Variants in SGCZ observed in about 807,000 individuals in gnomAD.
SGCZ encodes the protein zeta-sarcoglycan.
In SGCZ, 40 loss-of-function variants were observed where a neutral mutation model predicts 41.3. That is an observed-to-expected ratio of 0.97 (90% CI 0.75 to 1.26). SGCZ has a LOEUF of 1.26. Among genes scored for constraint, SGCZ ranks in the 50% most tolerant of loss-of-function variants. The probability of loss-of-function intolerance (pLI) is 0.00; values close to 1 mark genes in which losing one functional copy is unlikely to be tolerated. For missense variants in SGCZ, 552 were observed against 369.8 expected, an observed-to-expected ratio of 1.49 and a Z score of -4.04; for synonymous variants, 206 against 137.5, an observed-to-expected ratio of 1.50 and a Z score of -3.49.
intron 2 of SGCZ, among the ~76,000 whole-genome samples, chr8:14,450,182 C>T (rs1800551013): frequency 6.6e-6 from 1 of 152,138 alleles, no homozygotes. Flanking sequence ...TGAAGCCAGG[C>T]TACACAGAAC....
At chr8:14,365,058 G>A (rs1051221191) in intron 2 of SGCZ, among the ~76,000 whole-genome samples, 4 of 151,856 alleles carry the variant, frequency 2.6e-5, no homozygotes, top group Non-Finnish European at 5.9e-5. Context: ...GACATTTTAA[G>A]TAATAAGCAA....
Position 14,554,768 on chromosome 8 carries a change from C to T in SGCZ, c.198G>A (p.Met66Ile). The change falls in exon 2 of 8, where the codon ATG (methionine) becomes ATA (isoleucine). Residue 66 changes from methionine to isoleucine, a missense_variant. Transcript: ENST00000382080. Reference protein sequence around the residue: ...LLVTMIVNLAMTIWILKVMNF... With the variant: ...LLVTMIVNLAITIWILKVMNF... Reference sequence around the variant, plus strand: ...TCATAACTTTCAATATCCATATTGTCATGGCTAAGTTAACTATCATGGTAA... The same window carrying T: ...TCATAACTTTCAATATCCATATTGTTATGGCTAAGTTAACTATCATGGTAA... 2 of 1,612,822 alleles carry T rather than the reference C, an allele frequency of 1.2e-6. No homozygotes were observed. The highest frequency in any genetic ancestry group is 1.7e-6 in the Non-Finnish European group (2 of 1,179,354).
At chr8:14,181,897 T>A (rs1005764445) in intron 4 of SGCZ, among the ~76,000 whole-genome samples, 2 of 152,184 alleles carry the variant, frequency 1.3e-5, no homozygotes, top group African/African-American at 4.8e-5. Context: ...ATAAACACAG[T>A]AATTTTACAA....
At chr8:14,884,425 C>T (rs1804712006) in intron 1 of SGCZ, among the ~76,000 whole-genome samples, 1 of 151,428 alleles carries the variant, frequency 6.6e-6, no homozygotes, top group South Asian at 2.1e-4. Flanking sequence ...TTTATTTATG[C>T]CATAAGCTAT....
chr8:14,876,916 G>A (rs545872567), intron 1 of SGCZ, among the ~76,000 whole-genome samples: 6 of 152,054 alleles, frequency 3.9e-5, no homozygotes, highest in African/African-American at 1.2e-4. Context: ...GAGCATTGGA[G>A]AGGTTCCACT....
intron 1 of SGCZ, among the ~76,000 whole-genome samples, chr8:14,976,166 C>A (rs1038700036): frequency 6.6e-6 from 1 of 151,776 alleles, no homozygotes; most frequent in East Asian, 2.0e-4. Flanking sequence ...GGGATACAGG[C>A]GCTCACCACC....
intron 2 of SGCZ, among the ~76,000 whole-genome samples, chr8:14,411,625 T>A (rs1799362777): frequency 6.6e-6 from 1 of 152,124 alleles, no homozygotes; most frequent in African/African-American, 2.4e-5. Flanking sequence ...TTTATTACTT[T>A]AGAGCATCAT....
At chr8:14,370,061 A>T (rs1803856642) in intron 2 of SGCZ, among the ~76,000 whole-genome samples, 1 of 151,886 alleles carries the variant, frequency 6.6e-6, no homozygotes, top group Non-Finnish European at 1.5e-5. Flanking sequence ...CTTACTTCTG[A>T]TTCTTATTAT....
At position 14,089,581 on chromosome 8, in the gene SGCZ, T is replaced by A. The variant is rs572118599; in HGVS notation, c.*862A>T. Among the ~76,000 whole-genome samples, 4 of 152,136 alleles carry A rather than the reference T, an allele frequency of 2.6e-5. No individual in the cohort carries two copies. Among genetic ancestry groups the A allele is most frequent in the South Asian group, 2.1e-4 (1 of 4,832 alleles). On this transcript the variant is annotated 3_prime_UTR_variant, in exon 8 of 8. Coordinates refer to ENST00000382080, the MANE Select transcript of SGCZ (RefSeq NM_139167.4). The stretch of plus-strand genomic sequence containing the variant: ...TGTAAAGGATAGCATGTGAATTTTT[T>A]AAAAATCATCTATGGATTTAATACC...
chr8:14,603,608 A>G (rs573316478), intron 1 of SGCZ, among the ~76,000 whole-genome samples: 10 of 152,318 alleles, frequency 6.6e-5, no homozygotes, highest in African/African-American at 2.4e-4. Flanking sequence ...TAAAAATTTA[A>G]ACTTTCATAT....
At chr8:14,485,472 G>C (rs1386970464) in intron 2 of SGCZ, among the ~76,000 whole-genome samples, 1 of 152,040 alleles carries the variant, frequency 6.6e-6, no homozygotes, top group Non-Finnish European at 1.5e-5. Flanking sequence ...TCCTAACCTC[G>C]TCATCTGCCC....
intron 1 of SGCZ, among the ~76,000 whole-genome samples, chr8:14,800,211 C>T (rs542539939): frequency 6.6e-6 from 1 of 152,132 alleles, no homozygotes; most frequent in African/African-American, 2.4e-5. Flanking sequence ...AATATGTGAT[C>T]CTAACACATG....
chr8:15,097,896 A>G (rs1306006332), intron 1 of SGCZ, among the ~76,000 whole-genome samples: 17 of 103,920 alleles, frequency 1.6e-4, no homozygotes, highest in Middle Eastern at 0.012. Flanking sequence ...GTGTATATAT[A>G]TATATATATA....
At chr8:14,495,369 C>T (rs2117038986) in intron 2 of SGCZ, among the ~76,000 whole-genome samples, 1 of 152,256 alleles carries the variant, frequency 6.6e-6, no homozygotes, top group Middle Eastern at 3.4e-3. Context: ...AATTAGCATG[C>T]TTATTGACAT....
At chr8:14,671,784 A>T (rs897587126) in intron 1 of SGCZ, among the ~76,000 whole-genome samples, 2 of 152,024 alleles carry the variant, frequency 1.3e-5, no homozygotes, top group African/African-American at 4.8e-5. Context: ...AAACAAAACA[A>T]TTTTTTCCAA....
chr8:15,159,822 A>G (rs1206883568), intron 1 of SGCZ, among the ~76,000 whole-genome samples: 3 of 142,706 alleles, frequency 2.1e-5, no homozygotes, highest in Non-Finnish European at 3.0e-5. Flanking sequence ...GACCAGTAAT[A>G]TGACACTGAA....
At chr8:14,839,997 C>T (rs1487640515) in intron 1 of SGCZ, among the ~76,000 whole-genome samples, 3 of 151,906 alleles carry the variant, frequency 2.0e-5, no homozygotes, top group Non-Finnish European at 4.4e-5. Context: ...ATATTTTGTG[C>T]CTTTGTTTTT....
chr8:14,556,322 A>C (rs1052427162), intron 1 of SGCZ, among the ~76,000 whole-genome samples: 1 of 151,686 alleles, frequency 6.6e-6, no homozygotes, highest in Admixed American at 6.6e-5. Context: ...AATTATACAC[A>C]AATAAAAATA....
chr8:14,791,537 C>G (rs766782152), intron 1 of SGCZ, among the ~76,000 whole-genome samples: 5 of 152,138 alleles, frequency 3.3e-5, no homozygotes, highest in Non-Finnish European at 7.4e-5. Flanking sequence ...AACCATTCAC[C>G]TAATAGAAGT....
Sources: allele counts gnomAD v4.1 joint callset (sites outside exome capture counted in the v4.1 genomes callset), GRCh38; gene constraint gnomAD v4.1.1; transcripts MANE v1.5; gene names NCBI Gene and HGNC (gene_info 2026-07-23, HGNC 2026-07-21).